Variants in B3GAT2 observed in about 807,000 individuals in gnomAD.
The protein encoded by B3GAT2 is beta-1,3-glucuronyltransferase 2.
Under a neutral mutation model 27.8 loss-of-function variants are expected in B3GAT2, and 26 were observed. The ratio of observed to expected loss-of-function variants is 0.93; its 90% confidence interval spans 0.68 to 1.30. The LOEUF (loss-of-function observed/expected upper bound fraction) is 1.30. Among genes scored for constraint, B3GAT2 ranks in the 50% most tolerant of loss-of-function variants. B3GAT2 has a pLI of 0.00. For missense variants in B3GAT2, 458 were observed against 459.0 expected, an observed-to-expected ratio of 1.00 and a Z score of 0.02; for synonymous variants, 218 against 195.1, an observed-to-expected ratio of 1.12 and a Z score of -0.98.
intron 2 of B3GAT2, among the ~76,000 whole-genome samples, chr6:70,879,856 A>G (rs958760933): frequency 1.3e-5 from 2 of 152,156 alleles, no homozygotes; most frequent in Non-Finnish European, 2.9e-5. Flanking sequence ...ACTGAAGCTG[A>G]GTGCACAGAG....
chr6:70,940,768 A>T (rs577773728), intron 1 of B3GAT2, among the ~76,000 whole-genome samples: 1 of 152,234 alleles, frequency 6.6e-6, no homozygotes, highest in African/African-American at 2.4e-5. Flanking sequence ...CCTTTACTAA[A>T]AATACAAAAA....
intron 1 of B3GAT2, among the ~76,000 whole-genome samples, chr6:70,916,000 A>G (rs1415359418): frequency 2.0e-5 from 3 of 152,140 alleles, no homozygotes; most frequent in East Asian, 3.9e-4. Flanking sequence ...CAGTATGGCC[A>G]TTTTCATGAT....
At chr6:70,939,141 A>G (rs1468309036) in intron 1 of B3GAT2, among the ~76,000 whole-genome samples, 1 of 152,048 alleles carries the variant, frequency 6.6e-6, no homozygotes, top group African/African-American at 2.4e-5. Context: ...CAAAAGACAT[A>G]TGAAAAAACG....
intron 1 of B3GAT2, 86 bp from the exon 2 acceptor site, chr6:70,894,358 G>T (rs895699832): frequency 5.1e-5 from 70 of 1,369,564 alleles, no homozygotes; most frequent in Non-Finnish European, 6.6e-5. Context: ...AAGAAGTAGG[G>T]CTGGTAGTGG....
rs1771683542 is a variant in B3GAT2, at chr6:70,860,736, T to TATGA, written c.*923_*926dup. On this transcript the variant is annotated 3_prime_UTR_variant, in exon 4 of 4. Transcript: ENST00000230053. ...CCAGTAATCCTGTAGGAAGGTACTG[T>TATGA]ATGATCAAATGTTTAATCATATAAA... The TATGA allele has an allele frequency of 2.5e-6, 1 of 401,312 alleles. No individual in the cohort carries two copies. Among genetic ancestry groups the TATGA allele is most frequent in the African/African-American group, 2.1e-5 (1 of 48,646 alleles). The allele number at this position is 401,312 out of a possible 1,614,324, so 24.9% of individuals were successfully genotyped here. A position where few individuals can be genotyped will look rare whatever the true frequency, so the allele number is the denominator to read the frequency against.
chr6:70,956,579 C>T lies in B3GAT2; in HGVS notation c.-150G>A. 6.9e-7 allele frequency: 1 copy of T among 1,454,352 alleles called. No homozygotes were observed. The highest frequency in any genetic ancestry group is 9.0e-7 in the Non-Finnish European group (1 of 1,109,842). The allele number at this position is 1,454,352 out of a possible 1,614,324, so 90.1% of individuals were successfully genotyped here. A position where few individuals can be genotyped will look rare whatever the true frequency, so the allele number is the denominator to read the frequency against. On this transcript the variant is annotated 5_prime_UTR_variant, in exon 1 of 4. Coordinates refer to ENST00000230053, the MANE Select transcript of B3GAT2 (RefSeq NM_080742.3). ...CGAGGGCGCTGCAGAGACCTGGAGC[C>T]GCGGGGCTCACTACCTGGGCGTGGA... is the stretch of plus-strand genomic sequence containing the variant.
intron 1 of B3GAT2, among the ~76,000 whole-genome samples, chr6:70,911,462 G>A (rs1476866800): frequency 2.0e-5 from 3 of 152,060 alleles, no homozygotes; most frequent in Admixed American, 6.6e-5. Flanking sequence ...ATGGTTCTGA[G>A]TACACAGCTT....
chr6:70,946,895 T>G (rs1473429305), intron 1 of B3GAT2, among the ~76,000 whole-genome samples: 2 of 152,006 alleles, frequency 1.3e-5, no homozygotes, highest in African/African-American at 4.8e-5. Context: ...CAGACCACAG[T>G]GCAATCAAAC....
intron 1 of B3GAT2, among the ~76,000 whole-genome samples, chr6:70,939,460 C>A (rs978718232): frequency 2.0e-5 from 3 of 150,786 alleles, no homozygotes; most frequent in African/African-American, 7.4e-5. Flanking sequence ...ATGTTTATTG[C>A]AGCACTATTC....
chr6:70,918,876 G>T (rs1275442824), intron 1 of B3GAT2, among the ~76,000 whole-genome samples: 1 of 151,960 alleles, frequency 6.6e-6, no homozygotes, highest in Non-Finnish European at 1.5e-5. Context: ...ATGTGTCTTG[G>T]GGTTGCTCTT....
intron 1 of B3GAT2, among the ~76,000 whole-genome samples, chr6:70,903,061 G>A (rs183743099): frequency 6.4e-4 from 98 of 152,040 alleles, no homozygotes; most frequent in African/African-American, 2.3e-3. Flanking sequence ...ATAACCATGT[G>A]AGGTAATATG....
intron 2 of B3GAT2, among the ~76,000 whole-genome samples, chr6:70,869,949 T>C (rs912235823): frequency 8.5e-5 from 13 of 152,238 alleles, no homozygotes; most frequent in African/African-American, 3.1e-4. Flanking sequence ...GGTGGGACTG[T>C]AAACTAGTAA....
intron 1 of B3GAT2, among the ~76,000 whole-genome samples, chr6:70,942,021 T>C (rs970434947): frequency 2.0e-4 from 31 of 152,180 alleles, no homozygotes; most frequent in Non-Finnish European, 4.3e-4. Context: ...GGACAAATAC[T>C]TATCTATAGT....
chr6:70,907,952 G>C (rs1772628129), intron 1 of B3GAT2, among the ~76,000 whole-genome samples: 1 of 152,184 alleles, frequency 6.6e-6, no homozygotes, highest in Admixed American at 6.5e-5. Flanking sequence ...TGGGGTTTTT[G>C]TCACCTGTAC....
At chr6:70,925,269 A>G (rs1343801749) in intron 1 of B3GAT2, among the ~76,000 whole-genome samples, 1 of 152,204 alleles carries the variant, frequency 6.6e-6, no homozygotes, top group Non-Finnish European at 1.5e-5. Flanking sequence ...ATTTCCAACT[A>G]AGGTACTGGG....
At chr6:70,944,735 C>T (rs1375504676) in intron 1 of B3GAT2, among the ~76,000 whole-genome samples, 1 of 152,170 alleles carries the variant, frequency 6.6e-6, no homozygotes, top group Admixed American at 6.5e-5. Flanking sequence ...TCCCAGCACG[C>T]AGCTGGAGAT....
At chr6:70,870,064 T>C (rs989685081) in intron 2 of B3GAT2, among the ~76,000 whole-genome samples, 6 of 152,086 alleles carry the variant, frequency 3.9e-5, no homozygotes, top group Non-Finnish European at 7.4e-5. Context: ...GGATTATAAA[T>C]CATGCTGCTA....
rs535270808 is a variant in B3GAT2, at chr6:70,938,990, A to T, written c.591+16849T>A. Among the ~76,000 whole-genome samples the T allele has an allele frequency of 8.0e-4, 121 of 152,126 alleles. No homozygotes were observed. In the South Asian group the frequency reaches 0.024, roughly 31 times the overall value. On this transcript the variant is annotated intron_variant, in intron 1 of 3. Coordinates refer to ENST00000230053, the MANE Select transcript of B3GAT2 (RefSeq NM_080742.3). The stretch of plus-strand genomic sequence containing the variant: ...CTACAAAATGGGAGAAAATATTCGC[A>T]ACCTACTCATCTGACAAAGGGCTAA...
chr6:70,955,777 C>A, intron 1 of B3GAT2, 62 bp downstream of exon 1: 1 of 1,481,106 alleles, frequency 6.8e-7, no homozygotes, highest in Non-Finnish European at 9.0e-7. Flanking sequence ...GTGACTGCAG[C>A]CCGGCCGGCC....
Sources: allele counts gnomAD v4.1 joint callset (sites outside exome capture counted in the v4.1 genomes callset), GRCh38; gene constraint gnomAD v4.1.1; transcripts MANE v1.5; gene names NCBI Gene and HGNC (gene_info 2026-07-23, HGNC 2026-07-21).